Variants in BDH1 observed in about 807,000 individuals in gnomAD.
BDH1 encodes the protein D-beta-hydroxybutyrate dehydrogenase, mitochondrial.
BDH1 carries 30 observed loss-of-function variants against 33.1 expected under a neutral mutation model. The ratio of observed to expected loss-of-function variants is 0.91; its 90% CI spans 0.68 to 1.23. BDH1 has a LOEUF of 1.23. Ranked by LOEUF, BDH1 falls within the 50% of genes most tolerant of loss-of-function variation. BDH1 has a pLI of 0.00. For synonymous variants in BDH1, 190 were observed against 183.6 expected (o/e 1.03, Z -0.28); for missense variants, 443 against 464.4 (o/e 0.95, Z 0.42).
intron 4 of BDH1, 45 bp downstream of exon 4, chr3:197,533,444 T>C (rs1224346560): frequency 2.5e-6 from 4 of 1,592,880 alleles, no homozygotes; most frequent in Non-Finnish European, 3.4e-6. Context: ...GAAGAAAGGG[T>C]TCTGACCATC....
At chr3:197,558,702 G>A (rs1322820311), upstream of BDH1, among the ~76,000 whole-genome samples, 1 of 152,230 alleles carries the variant, frequency 6.6e-6, no homozygotes, top group Non-Finnish European at 1.5e-5. Flanking sequence ...CCGCATGGGA[G>A]CTACTGACCT....
upstream of BDH1, among the ~76,000 whole-genome samples, chr3:197,559,047 G>C (rs563002941): frequency 6.7e-6 from 1 of 149,208 alleles, no homozygotes; most frequent in Admixed American, 6.7e-5. Flanking sequence ...TTGTTACCCA[G>C]GCTGGAGTGC....
At chr3:197,518,929 C>G (rs574900552) in intron 6 of BDH1, among the ~76,000 whole-genome samples, 1 of 81,730 alleles carries the variant, frequency 1.2e-5, no homozygotes, top group Non-Finnish European at 2.5e-5. Flanking sequence ...CAGTCACTTC[C>G]TGCTCTATGG....
At chr3:197,515,513 G>A (rs923068010) in intron 6 of BDH1, 6 of 985,464 alleles carry the variant, frequency 6.1e-6, no homozygotes, top group African/African-American at 3.5e-5. Context: ...ACACTTCCAC[G>A]TCATCTTCGA....
chr3:197,545,144 C>T (rs1715966701), intron 3 of BDH1, among the ~76,000 whole-genome samples: 2 of 152,032 alleles, frequency 1.3e-5, no homozygotes, highest in South Asian at 4.1e-4. Context: ...CAAATTCACT[C>T]CCCTCAAATA....
intron 1 of BDH1, among the ~76,000 whole-genome samples, chr3:197,562,026 C>T (rs375855010): frequency 9.9e-5 from 15 of 152,216 alleles, no homozygotes; most frequent in African/African-American, 3.1e-4. Flanking sequence ...TTTCAAGAGT[C>T]GTGGGCGGAT....
chr3:197,550,123 C>A (rs1044563036), intron 2 of BDH1, among the ~76,000 whole-genome samples: 1 of 152,080 alleles, frequency 6.6e-6, no homozygotes, highest in Non-Finnish European at 1.5e-5. Context: ...CAAAAAGACA[C>A]CTAACATTCC....
At chr3:197,567,223 C>CT (rs563430201) in intron 1 of BDH1, among the ~76,000 whole-genome samples, 1 of 152,112 alleles carries the variant, frequency 6.6e-6, no homozygotes, top group Non-Finnish European at 1.5e-5. Flanking sequence ...TCCTAAAATG[C>CT]TTTCTCCAAA....
chr3:197,552,004 T>C lies in BDH1; in HGVS notation c.-44+2558A>G, dbSNP rs563003117. Among the ~76,000 whole-genome samples the C allele has an allele frequency of 7.8e-4, 119 of 152,250 alleles. 1 individual carries two copies. The highest frequency in any genetic ancestry group is 2.6e-3 in the African/African-American group (110 of 41,534). On this transcript the variant is annotated intron_variant, in intron 2 of 7. Coordinates refer to ENST00000392379, the MANE Select transcript of BDH1 (RefSeq NM_203314.3). ...CGAGCACTCATAGCTTTAAATACGA[T>C]TCACATGCCGCCAACTCCCGAAGGT... is the stretch of plus-strand genomic sequence containing the variant.
chr3:197,572,185 C>A (rs1717629560), intron 1 of BDH1, among the ~76,000 whole-genome samples: 1 of 152,064 alleles, frequency 6.6e-6, no homozygotes, highest in Non-Finnish European at 1.5e-5. Context: ...AAGGAACTCC[C>A]CAGACCTTCA....
At chr3:197,527,636 C>T (rs922679659) in intron 5 of BDH1, among the ~76,000 whole-genome samples, 2 of 152,202 alleles carry the variant, frequency 1.3e-5, no homozygotes, top group Non-Finnish European at 2.9e-5. Flanking sequence ...TCTACTCCCC[C>T]CTCATTCTGC....
At chr3:197,530,194 G>C (rs941209912) in intron 5 of BDH1, 1 of 152,126 alleles carries the variant, frequency 6.6e-6, no homozygotes, top group Admixed American at 6.5e-5. Context: ...AAAACCAAAA[G>C]CTTGATGCAT....
rs942797833 is a variant in BDH1, at chr3:197,525,466, AC to A, written c.268-2686del. ...AAGGTCCCTGCAGTCCTCAGGGGAAACCCCCGACTCCAAGTCAGTAAACTCT... is the reference window on the plus strand; with the variant it reads ...AAGGTCCCTGCAGTCCTCAGGGGAAACCCCGACTCCAAGTCAGTAAACTCT... On this transcript the variant is annotated intron_variant, in intron 5 of 7. Transcript: ENST00000392379. This position sits in a 1 kb window ranked among gnomAD's most constrained non-coding sequence, Gnocchi z 4.9. 2.6e-5 allele frequency among the ~76,000 whole-genome samples: 4 copies of A among 152,100 alleles called. No individual in the cohort carries two copies. Among genetic ancestry groups the A allele is most frequent in the African/African-American group, 9.7e-5 (4 of 41,404 alleles).
chr3:197,527,256 G>A (rs1314466508), intron 5 of BDH1, among the ~76,000 whole-genome samples: 1 of 152,252 alleles, frequency 6.6e-6, no homozygotes, highest in Non-Finnish European at 1.5e-5. Flanking sequence ...AGAACCCTGA[G>A]AGCATAGAGT....
chr3:197,542,854 A>C (rs1479142014), intron 3 of BDH1, among the ~76,000 whole-genome samples: 1 of 152,140 alleles, frequency 6.6e-6, no homozygotes, highest in Non-Finnish European at 1.5e-5. Flanking sequence ...GAGAGCCCAA[A>C]GGGGTGGCTG....
intron 5 of BDH1, among the ~76,000 whole-genome samples, chr3:197,530,991 TCAA>T (rs2108739869): frequency 6.6e-6 from 1 of 152,214 alleles, no homozygotes; most frequent in Admixed American, 6.5e-5. Flanking sequence ...TTAAATTACA[TCAA>T]CAAGAATCAA....
chr3:197,535,667 A>G (rs926615762), intron 3 of BDH1, among the ~76,000 whole-genome samples: 3 of 152,144 alleles, frequency 2.0e-5, no homozygotes, highest in East Asian at 3.9e-4. Context: ...GTATTTTCCT[A>G]TTATGCGGCA....
At chr3:197,533,399 C>T in intron 4 of BDH1, 90 bp downstream of exon 4, 1 of 1,346,846 alleles carries the variant, frequency 7.4e-7, no homozygotes, top group East Asian at 2.3e-5. Context: ...ACACTAAGGC[C>T]CCACTCTGAG....
intron 2 of BDH1, among the ~76,000 whole-genome samples, chr3:197,550,653 C>A (rs1439761674): frequency 6.6e-6 from 1 of 152,150 alleles, no homozygotes; most frequent in African/African-American, 2.4e-5. Flanking sequence ...GGCAGCTACA[C>A]TCCACTGGGC....
Sources: allele counts gnomAD v4.1 joint callset (sites outside exome capture counted in the v4.1 genomes callset), GRCh38; gene constraint gnomAD v4.1.1; non-coding constraint Gnocchi (gnomAD v3.1); transcripts MANE v1.5; gene names NCBI Gene and HGNC (gene_info 2026-07-23, HGNC 2026-07-21).